Variants in PI4K2B observed in about 807,000 individuals in gnomAD.
PI4K2B encodes the protein phosphatidylinositol 4-kinase type 2 beta, also known as phosphatidylinositol 4-kinase type 2-beta.
In PI4K2B, 46 loss-of-function variants were observed where a neutral mutation model predicts 56.6. The ratio of observed to expected loss-of-function variants is 0.81; its 90% CI spans 0.64 to 1.04. The LOEUF (loss-of-function observed/expected upper bound fraction) is 1.04. Ranked by LOEUF, PI4K2B falls within the 50% of genes least tolerant of loss-of-function variation. The probability of loss-of-function intolerance (pLI) is 0.00; values close to 1 mark genes in which losing one functional copy is unlikely to be tolerated. For synonymous variants in PI4K2B, 211 were observed against 223.8 expected (o/e 0.94, Z 0.51); for missense variants, 556 against 607.7 (o/e 0.91, Z 0.89).
intron 9 of PI4K2B, among the ~76,000 whole-genome samples, chr4:25,273,550 G>A (rs1210315358): frequency 6.6e-6 from 1 of 152,108 alleles, no homozygotes; most frequent in Non-Finnish European, 1.5e-5. Context: ...CTACGTTTTA[G>A]GTGGAATGAC....
intron 9 of PI4K2B, among the ~76,000 whole-genome samples, chr4:25,274,454 GA>G (rs1163844580): frequency 1.9e-4 from 29 of 152,242 alleles, no homozygotes; most frequent in African/African-American, 7.0e-4. Flanking sequence ...TATTCTTTGA[GA>G]AATGAAAAAC....
In PI4K2B at chr4:25,260,542, G is replaced by T; in HGVS notation, c.929G>T (p.Trp310Leu). Residue 310 changes from tryptophan to leucine, a missense_variant, in exon 6 of 10, where the codon TGG (tryptophan) becomes TTG (leucine). Physicochemically the swap from Trp to Leu is moderately conservative, Grantham distance 61. Transcript: ENST00000264864. ...TTGAAAGACAGGGGCAATGATAATT[G>T]GTTAGTCAGATACGAAAAGCAGAAA... Reference protein sequence around the residue: ...IRNTDRGNDNWLVRYEKQKCE... With the variant: ...IRNTDRGNDNLLVRYEKQKCE... 6.9e-7 allele frequency: 1 copy of T among 1,440,878 alleles called. No homozygotes were observed. Among genetic ancestry groups the T allele is most frequent in the Non-Finnish European group, 9.2e-7 (1 of 1,090,250 alleles). The allele number at this position is 1,440,878 out of a possible 1,614,324, so 89.3% of individuals were successfully genotyped here.
chr4:25,243,268 C>T (rs1172458483), intron 1 of PI4K2B, among the ~76,000 whole-genome samples: 1 of 152,240 alleles, frequency 6.6e-6, no homozygotes, highest in Non-Finnish European at 1.5e-5. Flanking sequence ...CCCAGGGAAC[C>T]TTCGTCCTCT....
intron 9 of PI4K2B, among the ~76,000 whole-genome samples, chr4:25,270,232 C>T (rs1473162411): frequency 6.6e-6 from 1 of 152,124 alleles, no homozygotes; most frequent in East Asian, 1.9e-4. Context: ...CTAGAGCAGT[C>T]ACTAAATAAC....
intron 1 of PI4K2B, among the ~76,000 whole-genome samples, chr4:25,246,418 G>C (rs28837988): frequency 0.017 from 2,603 of 152,314 alleles, 73 homozygotes; most frequent in African/African-American, 0.059. Flanking sequence ...GTCCCCACTA[G>C]ATTAGCTAGA....
intron 7 of PI4K2B, among the ~76,000 whole-genome samples, chr4:25,265,198 C>CAAAAAAAAAAAAAAAAA (rs71188933): frequency 2.0e-4 from 13 of 65,392 alleles, no homozygotes; most frequent in South Asian, 9.0e-4. Context: ...TCTGTCTCAC[C>CAAAAAAAAAAAAAAAAA]AAAAAAAAAA....
chr4:25,259,852 C>T (rs560007719), intron 5 of PI4K2B, among the ~76,000 whole-genome samples: 1 of 152,320 alleles, frequency 6.6e-6, no homozygotes, highest in South Asian at 2.1e-4. Flanking sequence ...AGCAGGGGCT[C>T]CCCATTGTGG....
intron 1 of PI4K2B, among the ~76,000 whole-genome samples, chr4:25,238,149 A>T (rs939009508): frequency 4.6e-5 from 7 of 152,236 alleles, no homozygotes; most frequent in African/African-American, 1.7e-4. Flanking sequence ...GTAAGATTAC[A>T]CAAGATGTAC....
At chr4:25,238,870 C>T (rs1286372047) in intron 1 of PI4K2B, among the ~76,000 whole-genome samples, 1 of 152,136 alleles carries the variant, frequency 6.6e-6, no homozygotes, top group East Asian at 1.9e-4. Context: ...GGGCAGCCTG[C>T]TTTTATTCCC....
intron 7 of PI4K2B, among the ~76,000 whole-genome samples, chr4:25,264,258 T>C (rs1716585166): frequency 1.3e-5 from 2 of 152,224 alleles, no homozygotes; most frequent in Admixed American, 6.5e-5. Flanking sequence ...CCCAGTCTCT[T>C]TTGTGGTAAA....
At chr4:25,246,715 C>T (rs1023939979) in intron 1 of PI4K2B, among the ~76,000 whole-genome samples, 19 of 152,198 alleles carry the variant, frequency 1.2e-4, no homozygotes, top group Non-Finnish European at 2.4e-4. Flanking sequence ...CAGGAGCCCA[C>T]GGCGGCGGGG....
rs1716739855 is a variant in PI4K2B, at chr4:25,268,323, A to G, written c.1079-120A>G. 1.4e-5 allele frequency: 11 copies of G among 765,958 alleles called. No individual in the cohort carries two copies. The South Asian group carries it at 1.8e-4, about 13-fold the overall frequency. 47.4% of individuals were successfully genotyped at this position (765,958 alleles called of 1,614,324 possible). A position where few individuals can be genotyped will look rare whatever the true frequency, so the allele number is the denominator to read the frequency against. ...TGCAGTGGGTAGTTGTACTCTGATT[A>G]AGTTCTTATCCTGTCCTTTTTTGGG... On this transcript the variant is annotated intron_variant, in intron 7 of 9. Coordinates refer to ENST00000264864, the MANE Select transcript of PI4K2B (RefSeq NM_018323.4).
intron 5 of PI4K2B, among the ~76,000 whole-genome samples, chr4:25,259,762 T>A (rs1716391113): frequency 6.6e-6 from 1 of 152,158 alleles, no homozygotes; most frequent in African/African-American, 2.4e-5. Context: ...CAAATTTTTG[T>A]TGGGCCACAT....
intron 1 of PI4K2B, among the ~76,000 whole-genome samples, chr4:25,250,840 G>A (rs1219162632): frequency 6.6e-6 from 1 of 152,186 alleles, no homozygotes; most frequent in Non-Finnish European, 1.5e-5. Context: ...GCAAGAGGTG[G>A]TTGGATTCTG....
At position 25,250,070 on chromosome 4, in the gene PI4K2B, C is replaced by A. The variant is rs1038115870; in HGVS notation, c.269-2251C>A. Among the ~76,000 whole-genome samples the A allele has an allele frequency of 3.9e-5, 6 of 152,146 alleles. No individual in the cohort carries two copies. In the East Asian group the frequency reaches 9.7e-4, roughly 25 times the overall value. On this transcript the variant is annotated intron_variant, in intron 1 of 9. Transcript: ENST00000264864. ...CCGTCTCCACCAAAAAATACGAAAA[C>A]CAGTCAGGCGTGGCAGCGCGCGCCT... is the stretch of plus-strand genomic sequence containing the variant.
intron 5 of PI4K2B, among the ~76,000 whole-genome samples, 186 bp downstream of exon 5, chr4:25,259,376 A>G (rs1009569511): frequency 6.6e-6 from 1 of 152,046 alleles, no homozygotes; most frequent in Non-Finnish European, 1.5e-5. Flanking sequence ...ATAGATTCTG[A>G]CTCATAGCAG....
rs184723553 is a variant in PI4K2B at position 25,246,486 on chromosome 4, G to T, written c.269-5835G>T. Among the ~76,000 whole-genome samples, 5 of 152,286 alleles carry T rather than the reference G, an allele frequency of 3.3e-5. No homozygotes were observed. The East Asian group carries it at 9.7e-4, about 29-fold the overall frequency. ...TGAGCTAGATACAGAGTGCTGATTGGTGTATTTACAATCCCTTAGCTAGAC... is the reference window on the plus strand; with the variant it reads ...TGAGCTAGATACAGAGTGCTGATTGTTGTATTTACAATCCCTTAGCTAGAC... On this transcript the variant is annotated intron_variant, in intron 1 of 9. Coordinates refer to ENST00000264864, the MANE Select transcript of PI4K2B (RefSeq NM_018323.4).
intron 1 of PI4K2B, among the ~76,000 whole-genome samples, chr4:25,245,813 C>T (rs1715743248): frequency 6.6e-6 from 1 of 152,086 alleles, no homozygotes; most frequent in African/African-American, 2.4e-5. Flanking sequence ...CACCACTTGG[C>T]GATAGGCGAT....
rs1216195559 is a variant in PI4K2B, at chr4:25,272,145, A to T, written c.1272+2942A>T. On this transcript the variant is annotated intron_variant, in intron 9 of 9. Coordinates refer to ENST00000264864, the MANE Select transcript of PI4K2B (RefSeq NM_018323.4). The stretch of plus-strand genomic sequence containing the variant: ...GGGCAGCAGAGCAAGACCTTGTCTT[A>T]AAAAAAAAAAAGCCTGTCTAAGAAG... 4.9e-5 allele frequency among the ~76,000 whole-genome samples: 7 copies of T among 141,954 alleles called. No homozygotes were observed. In the East Asian group the frequency reaches 1.2e-3, roughly 24 times the overall value. 93.1% of individuals were successfully genotyped at this position (141,954 alleles called of 152,430 possible).
Sources: gnomAD v4.1 joint callset for allele counts (sites outside exome capture counted in the v4.1 genomes callset) on GRCh38, gnomAD v4.1.1 for gene constraint, MANE v1.5 for transcripts, NCBI Gene and HGNC (gene_info 2026-07-23, HGNC 2026-07-21) for gene names.